The following PDZD2 variants were observed in gnomAD, a reference collection of about 807,000 sequenced individuals.
PDZD2 encodes the protein PDZ domain-containing protein 2.
In PDZD2, 90 loss-of-function variants were observed where a neutral mutation model predicts 220.7. The observed-to-expected ratio is 0.41, with a 90% CI of 0.34 to 0.49. The LOEUF (loss-of-function observed/expected upper bound fraction) is 0.49, where lower values mean the gene tolerates loss of function less well. Ranked by LOEUF, PDZD2 falls within the 20% of genes least tolerant of loss-of-function variation. The pLI, the probability that PDZD2 is intolerant of heterozygous loss-of-function variation, is 0.28. For missense variants in PDZD2, 3,174 were observed against 3,608.5 expected (o/e 0.88, Z 3.08); for synonymous variants, 1,375 against 1,450.5 (o/e 0.95, Z 1.18).
intron 20 of PDZD2, among the ~76,000 whole-genome samples, chr5:32,091,987 C>G (rs1743199776): frequency 6.6e-6 from 1 of 151,998 alleles, no homozygotes; most frequent in Non-Finnish European, 1.5e-5. Flanking sequence ...AAATATTTCA[C>G]TTGAGGCCAG....
At chr5:31,729,482 T>C (rs896006183) in intron 1 of PDZD2, among the ~76,000 whole-genome samples, 1 of 152,170 alleles carries the variant, frequency 6.6e-6, no homozygotes, top group Non-Finnish European at 1.5e-5. Context: ...AAAGTGAGAT[T>C]TGGAAAGACT....
chr5:31,976,865 G>A (rs192812536), intron 2 of PDZD2, among the ~76,000 whole-genome samples: 26 of 151,258 alleles, frequency 1.7e-4, no homozygotes, highest in Admixed American at 1.3e-3. Context: ...TTACAGGCAC[G>A]TGCTACCACG....
At chr5:31,975,226 T>C (rs1382127765) in intron 2 of PDZD2, among the ~76,000 whole-genome samples, 1 of 152,216 alleles carries the variant, frequency 6.6e-6, no homozygotes, top group Non-Finnish European at 1.5e-5. Context: ...CAGTTCCATG[T>C]GGCTGAGGAG....
chr5:31,746,204 G>A (rs1308493584), intron 1 of PDZD2, among the ~76,000 whole-genome samples: 2 of 152,206 alleles, frequency 1.3e-5, no homozygotes, highest in African/African-American at 2.4e-5. Context: ...TTCAACCAGG[G>A]CAGCATTTTT....
intron 3 of PDZD2, among the ~76,000 whole-genome samples, chr5:31,990,634 C>T (rs1252363807): frequency 2.6e-5 from 4 of 152,228 alleles, no homozygotes; most frequent in Admixed American, 1.3e-4. Flanking sequence ...GTAAGATTAG[C>T]GGATAAACAT....
chr5:31,894,623 C>T (rs1741372618), intron 2 of PDZD2, among the ~76,000 whole-genome samples: 1 of 152,176 alleles, frequency 6.6e-6, no homozygotes, highest in Non-Finnish European at 1.5e-5. Context: ...CGCATGTACA[C>T]TTATAACATG....
At chr5:32,046,679 C>T (rs1007220427) in intron 7 of PDZD2, among the ~76,000 whole-genome samples, 5 of 152,092 alleles carry the variant, frequency 3.3e-5, no homozygotes, top group Non-Finnish European at 5.9e-5. Context: ...ACAGGCAAAG[C>T]GTAGACACGG....
At chr5:31,847,537 C>T in intron 2 of PDZD2, 1 of 684,476 alleles carries the variant, frequency 1.5e-6, no homozygotes, top group South Asian at 1.4e-5. Context: ...TGAAGGTTGG[C>T]TGACAAATTC....
intron 24 of PDZD2, among the ~76,000 whole-genome samples, chr5:32,104,556 T>C (rs1444269355): frequency 1.3e-5 from 2 of 150,720 alleles, no homozygotes; most frequent in South Asian, 2.1e-4. Context: ...AAACCCCGTC[T>C]CTACTAAAAA....
At chr5:31,944,209 C>G (rs1016032262) in intron 2 of PDZD2, among the ~76,000 whole-genome samples, 1 of 152,050 alleles carries the variant, frequency 6.6e-6, no homozygotes, top group Non-Finnish European at 1.5e-5. Context: ...ACCAGGTAGC[C>G]AGAGAGTCTA....
intron 2 of PDZD2, among the ~76,000 whole-genome samples, chr5:31,975,048 G>A (rs1252543637): frequency 3.3e-5 from 5 of 152,166 alleles, no homozygotes; most frequent in Non-Finnish European, 5.9e-5. Context: ...TCTTCACTCA[G>A]CGTGTGTCTC....
At chr5:32,067,703 C>T (rs1740341211) in intron 14 of PDZD2, among the ~76,000 whole-genome samples, 1 of 152,060 alleles carries the variant, frequency 6.6e-6, no homozygotes, top group African/African-American at 2.4e-5. Context: ...AAAAGAAACT[C>T]CACATTTTCT....
chr5:31,982,504 C>T (rs1581209839), intron 2 of PDZD2, among the ~76,000 whole-genome samples: 1 of 152,258 alleles, frequency 6.6e-6, no homozygotes, highest in Admixed American at 6.5e-5. Context: ...GACGGGGTTT[C>T]GCTATGTTAC....
intron 2 of PDZD2, among the ~76,000 whole-genome samples, chr5:31,924,560 G>A (rs562842892): frequency 9.9e-5 from 15 of 152,256 alleles, no homozygotes; most frequent in Admixed American, 9.8e-4. Context: ...TTCACGTTTG[G>A]CGTGTGTTGC....
chr5:32,108,768 T>A lies in PDZD2; in HGVS notation c.*633T>A, dbSNP rs1279240601. On this transcript the variant is annotated 3_prime_UTR_variant, in exon 25 of 25. Transcript: ENST00000438447. The stretch of plus-strand genomic sequence containing the variant: ...TTAATTGAGAGTATTTTTTAGTGAG[T>A]GTAATGTATAATGTACGTATGCAAA... 6.6e-6 allele frequency: 1 copy of A among 152,638 alleles called. No homozygotes were observed. The highest frequency in any genetic ancestry group is 1.5e-5 in the Non-Finnish European group (1 of 68,054). 9.5% of individuals were successfully genotyped at this position (152,638 alleles called of 1,614,324 possible). A position where few individuals can be genotyped will look rare whatever the true frequency, so the allele number is the denominator to read the frequency against.
intron 2 of PDZD2, among the ~76,000 whole-genome samples, chr5:31,925,248 A>C (rs910790260): frequency 1.5e-4 from 23 of 152,212 alleles, no homozygotes; most frequent in African/African-American, 5.1e-4. Context: ...ACAGCACGGT[A>C]CTGGTACGAA....
intron 23 of PDZD2, chr5:32,100,724 G>A (rs1312701061): frequency 3.4e-5 from 14 of 413,424 alleles, no homozygotes; most frequent in Non-Finnish European, 5.1e-5. Flanking sequence ...AGGGTTGGCA[G>A]AAAATCAAAT....
chr5:31,898,913 C>T (rs902614863), intron 2 of PDZD2, among the ~76,000 whole-genome samples: 1 of 150,018 alleles, frequency 6.7e-6, no homozygotes, highest in African/African-American at 2.5e-5. Context: ...CTGCAAGCTC[C>T]ACCTCCTGGG....
chr5:31,728,392 A>T (rs2150154054), intron 1 of PDZD2, among the ~76,000 whole-genome samples: 1 of 152,108 alleles, frequency 6.6e-6, no homozygotes, highest in Middle Eastern at 3.4e-3. Flanking sequence ...TTGTTACATT[A>T]AAAAAAAGAA....
Sources: allele counts gnomAD v4.1 joint callset (sites outside exome capture counted in the v4.1 genomes callset), GRCh38; gene constraint gnomAD v4.1.1; transcripts MANE v1.5; gene names NCBI Gene and HGNC (gene_info 2026-07-23, HGNC 2026-07-21).